PCDH15: variants seen among roughly 807,000 people sequenced by gnomAD.
PCDH15 encodes protocadherin related 15.
In PCDH15, 129 loss-of-function variants were observed where a neutral mutation model predicts 178.5. The ratio of observed to expected loss-of-function variants is 0.72; its 90% CI spans 0.63 to 0.84. The LOEUF (loss-of-function observed/expected upper bound fraction) is 0.84, where lower values mean the gene tolerates loss of function less well. Ranked by LOEUF, PCDH15 falls within the 40% of genes least tolerant of loss-of-function variation. The pLI, the probability that PCDH15 is intolerant of heterozygous loss-of-function variation, is 0.00. For synonymous variants in PCDH15, 800 were observed against 732.0 expected, an observed-to-expected ratio of 1.09 and a Z score of -1.50; for missense variants, 2,230 against 2,099.9, an observed-to-expected ratio of 1.06 and a Z score of -1.21.
chr10:55,142,459 G>A (rs1838379953), intron 2 of PCDH15, among the ~76,000 whole-genome samples: 1 of 151,318 alleles, frequency 6.6e-6, no homozygotes, highest in African/African-American at 2.4e-5. Context: ...CAGCAACATA[G>A]ATGGGTATAT....
At chr10:54,820,661 C>G (rs543541208) in intron 3 of PCDH15, among the ~76,000 whole-genome samples, 1 of 152,056 alleles carries the variant, frequency 6.6e-6, no homozygotes, top group East Asian at 1.9e-4. Flanking sequence ...AGAGTTCCTA[C>G]GAGCACCATA....
rs181806757 is a variant in PCDH15 at position 54,903,490 on chromosome 10, A to T, written c.-79-5990T>A. 2.7e-3 allele frequency among the ~76,000 whole-genome samples: 413 copies of T among 152,278 alleles called. 8 individuals are homozygous for T. The highest frequency in any genetic ancestry group is 4.5e-3 in the Admixed American group (69 of 15,280). On this transcript the variant is annotated intron_variant, in intron 2 of 5. Transcript: ENST00000458638. The stretch of plus-strand genomic sequence containing the variant: ...TAGAATGTTCCCCTGTATAGGTCAC[A>T]TATAATATTGTAACTACAAAAACAA...
chr10:55,111,794 G>C (rs912567721), intron 2 of PCDH15, among the ~76,000 whole-genome samples: 3 of 152,146 alleles, frequency 2.0e-5, no homozygotes, highest in Non-Finnish European at 2.9e-5. Flanking sequence ...AGTGAGCCGA[G>C]ATCATGCCAT....
chr10:53,972,815 A>G (rs1469440868), intron 21 of PCDH15, among the ~76,000 whole-genome samples: 7 of 152,160 alleles, frequency 4.6e-5, no homozygotes, highest in Non-Finnish European at 7.3e-5. Flanking sequence ...GGATGTGGAG[A>G]AACAGGAACA....
chr10:54,568,617 C>T (rs951054336), intron 2 of PCDH15: 2 of 152,044 alleles, frequency 1.3e-5, no homozygotes, highest in African/African-American at 4.8e-5. Flanking sequence ...GGACAAAGAG[C>T]ACATATACTT....
intron 2 of PCDH15, among the ~76,000 whole-genome samples, chr10:54,995,702 T>C: frequency 6.6e-6 from 1 of 151,880 alleles, no homozygotes; most frequent in Admixed American, 6.6e-5. Flanking sequence ...CTTATTGAGT[T>C]CCTTTCTCAG....
intron 15 of PCDH15, among the ~76,000 whole-genome samples, chr10:54,123,566 C>T (rs1282612429): frequency 6.6e-6 from 1 of 152,000 alleles, no homozygotes; most frequent in Non-Finnish European, 1.5e-5. Flanking sequence ...CTTATATACT[C>T]TTGGTGGGAA....
At chr10:55,090,828 T>G (rs544446783) in intron 2 of PCDH15, among the ~76,000 whole-genome samples, 1 of 152,188 alleles carries the variant, frequency 6.6e-6, no homozygotes, top group East Asian at 1.9e-4. Context: ...TTATATCCTT[T>G]TCTTAGAAAT....
chr10:55,256,246 G>A (rs187502608), intron 1 of PCDH15, among the ~76,000 whole-genome samples: 213 of 152,304 alleles, frequency 1.4e-3, no homozygotes, highest in African/African-American at 4.4e-3. Flanking sequence ...GTTTGTCAAA[G>A]AGACAAGATG....
Position 54,457,104 on chromosome 10 carries a change from G to A in PCDH15, c.157+70708C>T, listed in dbSNP as rs528817456. Among the ~76,000 whole-genome samples the A allele has an allele frequency of 2.9e-4, 44 of 152,238 alleles. No homozygotes were observed. The South Asian group carries it at 3.9e-3, about 14-fold the overall frequency. On this transcript the variant is annotated intron_variant, in intron 3 of 37. Coordinates refer to ENST00000644397, the MANE Select transcript of PCDH15 (RefSeq NM_001384140.1). ...GGATGCAATTCAAGTTAAGGTAAGA[G>A]AGTAGTGTAGTATAAATCAGCCTTG...
chr10:54,939,217 G>C (rs557740307), intron 2 of PCDH15, among the ~76,000 whole-genome samples: 10 of 151,804 alleles, frequency 6.6e-5, no homozygotes, highest in African/African-American at 2.4e-4. Flanking sequence ...GATGTAGGCC[G>C]GGCGTGGTGG....
chr10:54,694,514 C>G (rs2095186261), intron 1 of PCDH15, among the ~76,000 whole-genome samples: 2 of 152,038 alleles, frequency 1.3e-5, no homozygotes, highest in South Asian at 4.2e-4. Flanking sequence ...ACCTGGTGTC[C>G]AACAAATCTA....
chr10:54,541,161 C>A (rs2085175133), intron 2 of PCDH15, among the ~76,000 whole-genome samples: 1 of 152,086 alleles, frequency 6.6e-6, no homozygotes, highest in Non-Finnish European at 1.5e-5. Context: ...GAAGTCCTAA[C>A]TACAGCATTC....
At chr10:54,342,294 T>C (rs1942385073) in intron 6 of PCDH15, among the ~76,000 whole-genome samples, 1 of 152,168 alleles carries the variant, frequency 6.6e-6, no homozygotes, top group African/African-American at 2.4e-5. Flanking sequence ...TGTGCAGCCT[T>C]AGGACATGGC....
chr10:54,236,774 T>C lies in PCDH15; in HGVS notation c.985+49A>G, dbSNP rs1221586221. 2.1e-6 allele frequency: 3 copies of C among 1,398,130 alleles called. No individual in the cohort carries two copies. The Admixed American group carries it at 5.0e-5, about 23-fold the overall frequency. The allele number at this position is 1,398,130 out of a possible 1,614,324, so 86.6% of individuals were successfully genotyped here. A position where few individuals can be genotyped will look rare whatever the true frequency, so the allele number is the denominator to read the frequency against. On this transcript the variant is annotated intron_variant, in intron 9 of 37. Coordinates refer to ENST00000644397, the MANE Select transcript of PCDH15 (RefSeq NM_001384140.1). The stretch of plus-strand genomic sequence containing the variant: ...CCTTGGAATTGAGAGAATTTGTTAC[T>C]GTAAGATTCTAGAATAACTGATAGT...
intron 1 of PCDH15, among the ~76,000 whole-genome samples, chr10:55,262,384 T>C (rs1842168279): frequency 6.6e-6 from 1 of 152,094 alleles, no homozygotes; most frequent in Non-Finnish European, 1.5e-5. Flanking sequence ...ATGTTGCATT[T>C]CCTAAGACCA....
chr10:54,650,919 C>A (rs185974020), intron 2 of PCDH15, among the ~76,000 whole-genome samples: 2 of 152,130 alleles, frequency 1.3e-5, no homozygotes, highest in Admixed American at 6.5e-5. Context: ...GAGGACACAG[C>A]CAAACCATAT....
chr10:55,143,190 A>G (rs1381280187), intron 2 of PCDH15, among the ~76,000 whole-genome samples: 1 of 100,970 alleles, frequency 9.9e-6, no homozygotes, highest in East Asian at 2.6e-4. Flanking sequence ...TTGAACTCTG[A>G]GTCAATTAAA....
rs1353663754 is a variant in PCDH15 at position 54,474,114 on chromosome 10, T to A, written c.157+53698A>T. On this transcript the variant is annotated intron_variant, in intron 3 of 37. Coordinates refer to ENST00000644397, the MANE Select transcript of PCDH15 (RefSeq NM_001384140.1). ...TTTCTATATTCGAATTGCAAAAAAATTTGCAATAATGAATATGCTATTTTT... is the reference window on the plus strand; with the variant it reads ...TTTCTATATTCGAATTGCAAAAAAAATTGCAATAATGAATATGCTATTTTT... Among the ~76,000 whole-genome samples the A allele has an allele frequency of 2.6e-5, 4 of 151,802 alleles. 1 individual carries two copies. Among genetic ancestry groups the A allele is most frequent in the East Asian group, 3.9e-4 (2 of 5,178 alleles).
Sources: allele counts gnomAD v4.1 joint callset (sites outside exome capture counted in the v4.1 genomes callset), GRCh38; gene constraint gnomAD v4.1.1; transcripts MANE v1.5; gene names NCBI Gene and HGNC (gene_info 2026-07-23, HGNC 2026-07-21).